The following ME3 variants were observed in gnomAD, a reference collection of about 807,000 sequenced individuals.
The protein encoded by ME3 is NADP-dependent malic enzyme, mitochondrial.
ME3 carries 48 observed loss-of-function variants against 68.9 expected under a neutral mutation model. The ratio of observed to expected loss-of-function variants is 0.70; its 90% CI spans 0.55 to 0.89. The LOEUF (loss-of-function observed/expected upper bound fraction) is 0.89. Ranked by LOEUF, ME3 falls within the 40% of genes least tolerant of loss-of-function variation. ME3 has a pLI of 0.00. For missense variants in ME3, 675 were observed against 797.4 expected (o/e 0.85, Z 1.85); for synonymous variants, 320 against 318.8 (o/e 1.00, Z -0.04).
chr11:86,520,562 G>A (rs1425570468), intron 4 of ME3, among the ~76,000 whole-genome samples: 14 of 151,894 alleles, frequency 9.2e-5, no homozygotes, highest in Admixed American at 9.2e-4. Flanking sequence ...CAGAGTGCTA[G>A]AGAGCTGCAG....
intron 2 of ME3, among the ~76,000 whole-genome samples, chr11:86,639,432 A>G (rs1429363819): frequency 6.6e-6 from 1 of 152,226 alleles, no homozygotes; most frequent in East Asian, 1.9e-4. Context: ...CCAAAGGATA[A>G]ACATCTCCCC....
At chr11:86,490,150 G>A (rs1439964754) in intron 6 of ME3, among the ~76,000 whole-genome samples, 2 of 152,184 alleles carry the variant, frequency 1.3e-5, no homozygotes, top group Admixed American at 6.5e-5. Flanking sequence ...GGGGGAGGGT[G>A]TAGTTTAAGG....
At chr11:86,440,841 CTCT>C (rs1276410922), downstream of ME3, among the ~76,000 whole-genome samples, 2 of 152,202 alleles carry the variant, frequency 1.3e-5, no homozygotes, top group East Asian at 3.9e-4. Context: ...CTGAAGCCTT[CTCT>C]TACATTTCCA....
chr11:86,647,444 C>T (rs1945093591), intron 2 of ME3, among the ~76,000 whole-genome samples: 1 of 151,174 alleles, frequency 6.6e-6, no homozygotes, highest in South Asian at 2.1e-4. Context: ...GACATCATGC[C>T]ACTGCACTCC....
chr11:86,555,915 A>G (rs1283143852), intron 4 of ME3, among the ~76,000 whole-genome samples: 1 of 152,204 alleles, frequency 6.6e-6, no homozygotes, highest in Non-Finnish European at 1.5e-5. Flanking sequence ...TGCTAGAACT[A>G]TGTATTTATA....
At chr11:86,539,115 T>C (rs1398447746) in intron 4 of ME3, among the ~76,000 whole-genome samples, 2 of 152,022 alleles carry the variant, frequency 1.3e-5, no homozygotes, top group Non-Finnish European at 2.9e-5. Flanking sequence ...ACTGAAAAAA[T>C]TGGGGTTGTT....
chr11:86,637,818 C>A (rs1049220750), intron 2 of ME3, among the ~76,000 whole-genome samples: 2 of 151,930 alleles, frequency 1.3e-5, no homozygotes, highest in Non-Finnish European at 2.9e-5. Flanking sequence ...GATACGGAGA[C>A]CATAGAAATG....
intron 7 of ME3, among the ~76,000 whole-genome samples, chr11:86,484,394 A>C (rs2138905181): frequency 6.6e-6 from 1 of 152,296 alleles, no homozygotes; most frequent in Middle Eastern, 3.4e-3. Context: ...TTCCCCACCT[A>C]CAGTATCCAC....
At chr11:86,534,190 G>A (rs1031192517) in intron 4 of ME3, among the ~76,000 whole-genome samples, 11 of 151,826 alleles carry the variant, frequency 7.2e-5, no homozygotes, top group African/African-American at 2.7e-4. Flanking sequence ...GAGTCAGTGA[G>A]AGATGAGTGA....
At chr11:86,561,695 T>G (rs1161380693) in intron 2 of ME3, among the ~76,000 whole-genome samples, 2 of 152,224 alleles carry the variant, frequency 1.3e-5, no homozygotes, top group Non-Finnish European at 2.9e-5. Flanking sequence ...AGTTTCAAAA[T>G]GGTTAACCTG....
At chr11:86,612,102 C>T (rs1401719115) in intron 2 of ME3, among the ~76,000 whole-genome samples, 1 of 152,100 alleles carries the variant, frequency 6.6e-6, no homozygotes, top group Non-Finnish European at 1.5e-5. Context: ...GTGTGTTTTT[C>T]CTCTCTGTAT....
chr11:86,490,587 T>C (rs756704829), intron 6 of ME3, among the ~76,000 whole-genome samples: 2 of 152,184 alleles, frequency 1.3e-5, no homozygotes, highest in Non-Finnish European at 2.9e-5. Flanking sequence ...TGGACAAATT[T>C]GTAAGAGACT....
intron 2 of ME3, 155 bp downstream of exon 2, chr11:86,671,607 G>C: frequency 1.1e-6 from 1 of 878,032 alleles, no homozygotes; most frequent in Non-Finnish European, 1.7e-6. Context: ...GGACAAGAAA[G>C]CCAAACCAAG....
rs549317232 is a variant in ME3 at position 86,577,721 on chromosome 11, A to G, written c.184-17898T>C. Among the ~76,000 whole-genome samples the G allele has an allele frequency of 9.6e-4, 146 of 152,346 alleles. 1 individual carries two copies. The highest frequency in any genetic ancestry group is 3.4e-3 in the Middle Eastern group (1 of 294). ...AATAAAATTCATTACACAAGTGTCT[A>G]TATGCCTTGCCCAATATCTTTGCCA... On this transcript the variant is annotated intron_variant, in intron 2 of 14. Transcript: ENST00000543262.
intron 6 of ME3, among the ~76,000 whole-genome samples, chr11:86,487,887 T>C (rs534500017): frequency 1.3e-5 from 2 of 152,302 alleles, no homozygotes; most frequent in South Asian, 2.1e-4. Context: ...CCATCAAAAA[T>C]GACTTCAAGG....
chr11:86,580,456 C>T (rs1205914346), intron 2 of ME3, among the ~76,000 whole-genome samples: 1 of 152,110 alleles, frequency 6.6e-6, no homozygotes, highest in Non-Finnish European at 1.5e-5. Context: ...AAATACATGA[C>T]TGAATGATTG....
chr11:86,523,878 A>C (rs1954523571), intron 4 of ME3, among the ~76,000 whole-genome samples: 1 of 152,186 alleles, frequency 6.6e-6, no homozygotes, highest in Non-Finnish European at 1.5e-5. Flanking sequence ...TCAGAATCTA[A>C]AAATTCTAAT....
downstream of ME3, among the ~76,000 whole-genome samples, chr11:86,439,254 A>G (rs190349145): frequency 2.0e-5 from 3 of 152,368 alleles, no homozygotes; most frequent in East Asian, 3.9e-4. Context: ...ATTTAAAGCT[A>G]TAAAGTTTCT....
In ME3 at chr11:86,448,316, A is replaced by G. The variant is rs1387201448; in HGVS notation, c.1132-61T>C. 2.4e-6 allele frequency: 3 copies of G among 1,265,568 alleles called. No homozygotes were observed. The East Asian group carries it at 6.9e-5, about 29-fold the overall frequency. The allele number at this position is 1,265,568 out of a possible 1,614,324, so 78.4% of individuals were successfully genotyped here. The stretch of plus-strand genomic sequence containing the variant: ...GATGGCCTGTTGGGTAGGAGTACAG[A>G]TGCATTTGGAAACTCTGAGAGCGTT... On this transcript the variant is annotated intron_variant, in intron 10 of 14. Transcript: ENST00000543262.
Sources: allele counts gnomAD v4.1 joint callset (sites outside exome capture counted in the v4.1 genomes callset), GRCh38; gene constraint gnomAD v4.1.1; transcripts MANE v1.5; gene names NCBI Gene and HGNC (gene_info 2026-07-23, HGNC 2026-07-21).